ZFP57: variants seen among roughly 807,000 people sequenced by gnomAD.
ZFP57 encodes the protein zinc finger protein 57 homolog.
ZFP57 carries 12 observed loss-of-function variants against 15.8 expected under a neutral mutation model. The ratio of observed to expected loss-of-function variants is 0.76; its 90% CI spans 0.49 to 1.23. ZFP57 has a LOEUF of 1.23. Among genes scored for constraint, ZFP57 ranks in the 50% most tolerant of loss-of-function variants. ZFP57 has a pLI of 0.00. For synonymous variants in ZFP57, 203 were observed against 242.3 expected (o/e 0.84, Z 1.51); for missense variants, 536 against 654.9 (o/e 0.82, Z 1.98).
chr6:29,674,094 CAA>C (rs1259618869), intron 4 of ZFP57, among the ~76,000 whole-genome samples: 7 of 69,090 alleles, frequency 1.0e-4, no homozygotes, highest in Admixed American at 1.7e-4. Context: ...AACTCTGTCT[CAA>C]AAAAAAAAAA....
chr6:29,672,451 G>A, downstream of ZFP57: 1 of 1,610,184 alleles, frequency 6.2e-7, no homozygotes, highest in Non-Finnish European at 8.5e-7. Context: ...CCAGAGGTCA[G>A]TCCTCAGGAA....
At chr6:29,679,372 G>T (rs3870968) in intron 1 of ZFP57, among the ~76,000 whole-genome samples, 7,587 of 152,244 alleles carry the variant, frequency 0.05, 328 homozygotes, top group East Asian at 0.17. Context: ...GAAAATACCA[G>T]CAAGGAAAAA....
chr6:29,673,292 C>A lies in ZFP57; in HGVS notation c.819G>T (p.Glu273Asp). The stretch of plus-strand genomic sequence containing the variant: ...GGTGTATCTTCTGGTGGCGTTTGAG[C>A]TCAGACTGGTCCCGGAAGCTCTTCC... ...VCGKSFRDQS[E>D]LKRHQKIHQN... Residue 273 changes from glutamate (E) to aspartate (D), a missense_variant, in exon 5 of 5, where the codon GAG (glutamate) becomes GAT (aspartate). Transcript: ENST00000376883. The surrounding 1 kb of genome is among the most constrained non-coding windows in gnomAD (Gnocchi z 4.7). 6.2e-7 allele frequency: 1 copy of A among 1,613,044 alleles called. No homozygotes were observed.
In ZFP57 at chr6:29,673,139, T is replaced by A. The variant is rs1488932486; in HGVS notation, c.972A>T (p.Ala324=). ...TGGGTTCCTGGGACCTGGCCACTGGTGCATGGTTCACATCCAAAAGCCCCT... is the reference window on the plus strand; with the variant it reads ...TGGGTTCCTGGGACCTGGCCACTGGAGCATGGTTCACATCCAAAAGCCCCT... ...SIQGLLDVNH[A]PVARSQEPIF... is the part of the protein sequence containing the mutation. Residue 324 remains alanine, a synonymous_variant, in exon 5 of 5, where the codon GCA becomes GCT. Coordinates refer to ENST00000376883, the MANE Select transcript of ZFP57 (RefSeq NM_001109809.5). The surrounding 1 kb of genome is among the most constrained non-coding windows in gnomAD (Gnocchi z 4.7). 1.9e-6 allele frequency: 3 copies of A among 1,612,808 alleles called. No homozygotes were observed. The highest frequency in any genetic ancestry group is 2.5e-6 in the Non-Finnish European group (3 of 1,179,990).
At chr6:29,674,119 A>G (rs12202048) in intron 4 of ZFP57, among the ~76,000 whole-genome samples, 2 of 151,110 alleles carry the variant, frequency 1.3e-5, no homozygotes, top group African/African-American at 4.9e-5. Context: ...AAAGAAAGAA[A>G]AAGAAGAAGA....
rs759998407 is a variant in ZFP57 at position 29,673,621 on chromosome 6, G to A, written c.490C>T (p.Arg164Trp). ...SAPAGTMDRT[R>W]VLQASQAGPP... Reference sequence around the variant, plus strand: ...CCAGCCTGGGATGCTTGAAGCACCCGGGTCCTGTCCATAGTCCCAGCTGGG... The same window carrying A: ...CCAGCCTGGGATGCTTGAAGCACCCAGGTCCTGTCCATAGTCCCAGCTGGG... Residue 164 changes from arginine to tryptophan, a missense_variant, in exon 5 of 5, where the codon CGG (arginine) becomes TGG (tryptophan). Coordinates refer to ENST00000376883, the MANE Select transcript of ZFP57 (RefSeq NM_001109809.5). This position sits in a 1 kb window ranked among gnomAD's most constrained non-coding sequence, Gnocchi z 4.7. 18 of 1,612,816 alleles carry A rather than the reference G, an allele frequency of 1.1e-5. No individual in the cohort carries two copies. Among genetic ancestry groups the A allele is most frequent in the East Asian group, 4.5e-5 (2 of 44,898 alleles).
chr6:29,673,689 A>G lies in ZFP57; in HGVS notation c.422T>C (p.Val141Ala). The change falls in exon 5 of 5, where the codon GTC (valine) becomes GCC (alanine). Residue 141 changes from valine to alanine, a missense_variant. Physicochemically the swap from Val to Ala is moderately conservative, Grantham distance 64. Transcript: ENST00000376883. The surrounding 1 kb of genome is among the most constrained non-coding windows in gnomAD (Gnocchi z 4.7). ...LRDEGTSDDK[V>A]FLACRGAGQC... ...GCCGGCCCCTCTGCATGCAAGGAAG[A>G]CCTTGTCATCACTAGTCCCCTCATC... The G allele has an allele frequency of 6.2e-7, 1 of 1,613,026 alleles. No homozygotes were observed.
intron 4 of ZFP57, among the ~76,000 whole-genome samples, chr6:29,674,199 AGAAAAGAAAAGAAG>A (rs375294023): frequency 0.025 from 3,777 of 148,888 alleles, 61 homozygotes; most frequent in Admixed American, 0.044. Flanking sequence ...AAGAAGAAGA[AGAAAAGAAAAGAAG>A]AAGAAGAAGA....
chr6:29,676,792 T>G, intron 2 of ZFP57, 89 bp downstream of exon 2: 1 of 1,540,630 alleles, frequency 6.5e-7, no homozygotes, highest in South Asian at 1.2e-5. Flanking sequence ...AATCTGAGAT[T>G]TCATTTGACC....
At chr6:29,677,798 A>AC (rs1772151015) in intron 1 of ZFP57, among the ~76,000 whole-genome samples, 1 of 97,090 alleles carries the variant, frequency 1.0e-5, no homozygotes, top group Non-Finnish European at 2.3e-5. Context: ...CACACACACA[A>AC]TTCTGTGATC....
intron 1 of ZFP57, among the ~76,000 whole-genome samples, chr6:29,679,740 C>G (rs1442478218): frequency 6.6e-6 from 1 of 152,242 alleles, no homozygotes. Flanking sequence ...CAAAATTATC[C>G]CGGCGTGGTG....
intron 4 of ZFP57, among the ~76,000 whole-genome samples, chr6:29,675,138 C>T (rs1008390147): frequency 6.7e-5 from 8 of 118,960 alleles, no homozygotes; most frequent in South Asian, 2.8e-4. Context: ...GGCAACAGAG[C>T]GAGACTGTGT....
chr6:29,677,846 G>T (rs995975086), intron 1 of ZFP57, among the ~76,000 whole-genome samples: 10 of 151,702 alleles, frequency 6.6e-5, no homozygotes, highest in African/African-American at 2.4e-4. Context: ...CCTTTATCAT[G>T]GTTTTGCTTT....
rs771009420 is a variant in ZFP57, at chr6:29,672,750, C to T, written c.1361G>A (p.Gly454Asp). ...ATAGCCCCTCCAGTGATCCATAAGG[C>T]CCTCTTTCTCCCCAAAGGAGAGGTC... ...ICDLSFGEKE[G>D]LMDHWRGYKG... The change falls in exon 5 of 5, where the codon GGC becomes GAC. Residue 454 changes from glycine to aspartate, a missense_variant. Transcript: ENST00000376883. 34 of 1,613,028 alleles carry T rather than the reference C, an allele frequency of 2.1e-5. No individual in the cohort carries two copies. In the East Asian group the frequency reaches 7.6e-4, roughly 36 times the overall value.
chr6:29,679,041 A>AAAC (rs1772205714), intron 1 of ZFP57, among the ~76,000 whole-genome samples: 1 of 152,088 alleles, frequency 6.6e-6, no homozygotes, highest in Admixed American at 6.5e-5. Context: ...AACAACAAAA[A>AAAC]CAAAGTATCC....
At chr6:29,672,446 G>T, downstream of ZFP57, 1 of 1,607,034 alleles carries the variant, frequency 6.2e-7, no homozygotes, top group Admixed American at 1.7e-5. Flanking sequence ...TTACCCCAGA[G>T]GTCAGTCCTC....
chr6:29,679,123 C>G (rs1562229230), intron 1 of ZFP57, among the ~76,000 whole-genome samples: 1 of 152,214 alleles, frequency 6.6e-6, no homozygotes, highest in Non-Finnish European at 1.5e-5. Context: ...GTGAAGAATA[C>G]TGCTAACAAC....
At chr6:29,679,432 G>T (rs1772225374) in intron 1 of ZFP57, among the ~76,000 whole-genome samples, 1 of 152,208 alleles carries the variant, frequency 6.6e-6, no homozygotes. Context: ...TGTCATGAAA[G>T]GTGCATTCCT....
rs190197921 is a variant in ZFP57, at chr6:29,673,379, A to G, written c.732T>C (p.Ser244=). 4.9e-4 allele frequency: 794 copies of G among 1,613,086 alleles called. 5 individuals carry two copies. The African/African-American group carries it at 8.5e-3, about 17-fold the overall frequency. Residue 244 remains serine, a synonymous_variant, in exon 5 of 5, where the codon TCT becomes TCC. Transcript: ENST00000376883. The surrounding 1 kb of genome is among the most constrained non-coding windows in gnomAD (Gnocchi z 4.7). ...GGACGCGGCGGTGACGACTTAGTCCAGAAGCATCACAGTAGGTCTTGTCAC... is the reference window on the plus strand; with the variant it reads ...GGACGCGGCGGTGACGACTTAGTCCGGAAGCATCACAGTAGGTCTTGTCAC... The part of the protein sequence containing the change: ...TLCDKTYCDA[S]GLSRHRRVHL...
Sources: allele counts gnomAD v4.1 joint callset (sites outside exome capture counted in the v4.1 genomes callset), GRCh38; gene constraint gnomAD v4.1.1; non-coding constraint Gnocchi (gnomAD v3.1); transcripts MANE v1.5; gene names NCBI Gene and HGNC (gene_info 2026-07-23, HGNC 2026-07-21).